Variants in NOX3 observed in about 807,000 individuals in gnomAD.
NOX3 encodes NADPH oxidase 3.
Under a neutral mutation model 76.7 loss-of-function variants are expected in NOX3, and 74 were observed. The ratio of observed to expected loss-of-function variants is 0.96; its 90% CI spans 0.80 to 1.17. NOX3 has a LOEUF of 1.17. NOX3 is among the 50% of genes most tolerant of loss of function. The probability of loss-of-function intolerance (pLI) is 0.00; values close to 1 mark genes in which losing one functional copy is unlikely to be tolerated. For missense variants in NOX3, 695 were observed against 703.3 expected (o/e 0.99, Z 0.13); for synonymous variants, 263 against 261.1 (o/e 1.01, Z -0.07).
intron 10 of NOX3, among the ~76,000 whole-genome samples, chr6:155,418,894 A>G (rs1451015897): frequency 6.6e-6 from 1 of 152,266 alleles, no homozygotes; most frequent in Non-Finnish European, 1.5e-5. Flanking sequence ...GTTTTTACAC[A>G]TGGAGGAAAA....
At chr6:155,452,384 T>A (rs554350951) in intron 4 of NOX3, among the ~76,000 whole-genome samples, 15 of 152,264 alleles carry the variant, frequency 9.9e-5, no homozygotes, top group African/African-American at 3.6e-4. Flanking sequence ...CCTTATTTCC[T>A]CCCCTTTATC....
At chr6:155,426,984 CGTGTGTGTGTGTGT>C (rs764029957) in intron 9 of NOX3, among the ~76,000 whole-genome samples, 1,663 of 41,890 alleles carry the variant, frequency 0.04, 58 homozygotes, top group South Asian at 0.16. Context: ...GACACTGTGG[CGTGTGTGTGTGTGT>C]GTGTGTGTGT....
chr6:155,447,238 T>C (rs1016560051), intron 4 of NOX3, among the ~76,000 whole-genome samples: 1 of 152,140 alleles, frequency 6.6e-6, no homozygotes, highest in South Asian at 2.1e-4. Flanking sequence ...GGTTTCATCA[T>C]GCTGCCCAGG....
chr6:155,442,882 G>A (rs1294990117), intron 5 of NOX3, among the ~76,000 whole-genome samples: 2 of 152,154 alleles, frequency 1.3e-5, no homozygotes, highest in African/African-American at 4.8e-5. Context: ...TGAAAATGAA[G>A]ACATCCAATT....
intron 13 of NOX3, among the ~76,000 whole-genome samples, 170 bp from the exon 14 acceptor site, chr6:155,395,744 A>C (rs1024101330): frequency 2.2e-4 from 33 of 152,200 alleles, no homozygotes; most frequent in Admixed American, 2.1e-3. Context: ...ACTACTTTGT[A>C]AACATCTTGG....
rs1004898708 is a variant in NOX3, at chr6:155,395,534, T to A, written c.*68A>T. On this transcript the variant is annotated 3_prime_UTR_variant, in exon 14 of 14. Coordinates refer to ENST00000159060, the MANE Select transcript of NOX3 (RefSeq NM_015718.3). ...CATATCAACAGGCCGTCACAGGAAT[T>A]CCTGGTGGAGTTCTTTGGAATCAAT... 6.6e-6 allele frequency: 1 copy of A among 152,212 alleles called. No homozygotes were observed. The highest frequency in any genetic ancestry group is 2.4e-5 in the African/African-American group (1 of 41,452). 9.4% of individuals were successfully genotyped at this position (152,212 alleles called of 1,614,324 possible). A position where few individuals can be genotyped will look rare whatever the true frequency, so the allele number is the denominator to read the frequency against.
intron 12 of NOX3, among the ~76,000 whole-genome samples, chr6:155,400,787 A>G (rs1396365216): frequency 6.6e-6 from 1 of 151,436 alleles, no homozygotes; most frequent in Non-Finnish European, 1.5e-5. Flanking sequence ...TCCTGCCCAC[A>G]CTCCACAGGC....
chr6:155,455,203 C>A, intron 1 of NOX3, 74 bp from the exon 2 acceptor site: 1 of 921,020 alleles, frequency 1.1e-6, no homozygotes. Context: ...ACTTGGGGTT[C>A]TTCTTTTAAA....
chr6:155,433,663 A>G (rs1776864402), intron 7 of NOX3, among the ~76,000 whole-genome samples: 1 of 152,234 alleles, frequency 6.6e-6, no homozygotes, highest in South Asian at 2.1e-4. Flanking sequence ...CAGAGTGCTG[A>G]CAAAATGGCG....
intron 1 of NOX3, 101 bp downstream of exon 1, chr6:155,455,652 G>A: frequency 1.2e-6 from 1 of 834,824 alleles, no homozygotes; most frequent in Non-Finnish European, 2.0e-6. Context: ...TTTAACTAGA[G>A]TAATACTTCA....
intron 4 of NOX3, among the ~76,000 whole-genome samples, chr6:155,445,981 C>CTATAGATA (rs553062264): frequency 1.2e-4 from 12 of 104,212 alleles, no homozygotes; most frequent in African/African-American, 4.1e-4. Flanking sequence ...TATATATATG[C>CTATAGATA]TATATATATA....
At position 155,445,960 on chromosome 6, in the gene NOX3, TA is replaced by T. The variant is rs531738551; in HGVS notation, c.341-2543del. On this transcript the variant is annotated intron_variant, in intron 4 of 13. Transcript: ENST00000159060. ...ATAGATATATAATATATATATGCTA[TA>T]TATATATAATATATATATGCTATAT... 2.4e-3 allele frequency among the ~76,000 whole-genome samples: 297 copies of T among 121,970 alleles called. 8 individuals are homozygous for T. The South Asian group carries it at 0.071, about 29-fold the overall frequency. The allele number at this position is 121,970 out of a possible 152,430, so 80.0% of individuals were successfully genotyped here. A position where few individuals can be genotyped will look rare whatever the true frequency, so the allele number is the denominator to read the frequency against.
chr6:155,429,520 T>G (rs1216379973), intron 8 of NOX3, among the ~76,000 whole-genome samples: 1 of 152,244 alleles, frequency 6.6e-6, no homozygotes, highest in Non-Finnish European at 1.5e-5. Context: ...TCAGGCTAAG[T>G]GAAAAACAAT....
intron 7 of NOX3, among the ~76,000 whole-genome samples, chr6:155,432,814 T>C (rs1297908208): frequency 1.3e-5 from 2 of 152,144 alleles, no homozygotes; most frequent in Non-Finnish European, 2.9e-5. Flanking sequence ...CCCTATGCTG[T>C]GGATGAGGTG....
At chr6:155,429,441 A>C (rs974223133) in intron 8 of NOX3, among the ~76,000 whole-genome samples, 1 of 152,240 alleles carries the variant, frequency 6.6e-6, no homozygotes, top group Non-Finnish European at 1.5e-5. Context: ...ACATCTAGGA[A>C]CATTTTGTTA....
chr6:155,412,610 T>C (rs1304353441), intron 10 of NOX3, among the ~76,000 whole-genome samples: 1 of 152,192 alleles, frequency 6.6e-6, no homozygotes, highest in Non-Finnish European at 1.5e-5. Flanking sequence ...CCTGCTTTTC[T>C]CAGGAAGAGA....
At chr6:155,399,490 T>C (rs1779191620) in intron 12 of NOX3, among the ~76,000 whole-genome samples, 1 of 152,122 alleles carries the variant, frequency 6.6e-6, no homozygotes, top group Non-Finnish European at 1.5e-5. Flanking sequence ...GGTGATGCAA[T>C]CACCAAAAAG....
chr6:155,428,579 T>A (rs2076471), intron 9 of NOX3, among the ~76,000 whole-genome samples: 1 of 144,234 alleles, frequency 6.9e-6, no homozygotes. Context: ...AACATTAGTC[T>A]TTTTTTCTTT....
chr6:155,408,663 C>T (rs1776495990), intron 11 of NOX3, among the ~76,000 whole-genome samples: 1 of 152,162 alleles, frequency 6.6e-6, no homozygotes, highest in South Asian at 2.1e-4. Context: ...ATATGTTCAT[C>T]ACAGCAGTAC....
Sources: allele counts gnomAD v4.1 joint callset (sites outside exome capture counted in the v4.1 genomes callset), GRCh38; gene constraint gnomAD v4.1.1; transcripts MANE v1.5; gene names NCBI Gene and HGNC (gene_info 2026-07-23, HGNC 2026-07-21).